Variants in MCF2L2 observed in about 807,000 individuals in gnomAD.
MCF2L2 encodes probable guanine nucleotide exchange factor MCF2L2.
In MCF2L2, 102 loss-of-function variants were observed where a neutral mutation model predicts 150.2. The observed-to-expected ratio is 0.68, with a 90% confidence interval of 0.58 to 0.80. The LOEUF is 0.80. MCF2L2 is among the 30% of genes least tolerant of loss of function. MCF2L2 has a pLI of 0.00. For synonymous variants in MCF2L2, 465 were observed against 491.3 expected (o/e 0.95, Z 0.71); for missense variants, 1,256 against 1,372.8 (o/e 0.91, Z 1.34).
intron 1 of MCF2L2, among the ~76,000 whole-genome samples, chr3:183,416,545 T>G (rs1463739794): frequency 6.6e-6 from 1 of 152,178 alleles, no homozygotes; most frequent in Non-Finnish European, 1.5e-5. Flanking sequence ...AAAATAACTG[T>G]AAGTCAAAAA....
chr3:183,192,965 T>C, intron 27 of MCF2L2, 34 bp downstream of exon 27: 1 of 1,546,394 alleles, frequency 6.5e-7, no homozygotes, highest in Non-Finnish European at 8.9e-7. Flanking sequence ...CCCCACTGCT[T>C]CTGTGCTCCA....
In MCF2L2 at chr3:183,411,889, C is replaced by G. The variant is rs138492004; in HGVS notation, c.76+16013G>C. On this transcript the variant is annotated intron_variant, in intron 1 of 29. Coordinates refer to ENST00000328913, the MANE Select transcript of MCF2L2 (RefSeq NM_015078.4). The stretch of plus-strand genomic sequence containing the variant: ...GAGAAAAACTTTGAGACCCAGTTTT[C>G]TGGTATCGCTTGCAAAGATGGTAGT... Among the ~76,000 whole-genome samples the G allele has an allele frequency of 1.6e-3, 242 of 152,258 alleles. 1 individual carries two copies. The highest frequency in any genetic ancestry group is 0.01 in the Middle Eastern group (3 of 294).
chr3:183,400,339 C>G (rs1714682694), intron 1 of MCF2L2: 2 of 449,422 alleles, frequency 4.5e-6, no homozygotes, highest in Non-Finnish European at 8.9e-6. Flanking sequence ...TGCATCCTTG[C>G]TTCCACACTA....
rs73886283 is a variant in MCF2L2 at position 183,218,191 on chromosome 3, G to C, written c.2370+1665C>G. On this transcript the variant is annotated intron_variant, in intron 21 of 29. Transcript: ENST00000328913. ...GCATCTTTGGATGAGAGACATGAGT[G>C]ACAGGGCTGATGAATGGAATAGATC... is the stretch of plus-strand genomic sequence containing the variant. 2.7e-3 allele frequency among the ~76,000 whole-genome samples: 418 copies of C among 152,310 alleles called. 2 individuals are homozygous for C. Among genetic ancestry groups the C allele is most frequent in the African/African-American group, 9.9e-3 (410 of 41,562 alleles).
At chr3:183,279,797 G>A (rs569278410) in intron 14 of MCF2L2, among the ~76,000 whole-genome samples, 9 of 152,342 alleles carry the variant, frequency 5.9e-5, no homozygotes, top group Middle Eastern at 3.4e-3. Flanking sequence ...TCGGGAGGCC[G>A]AGGCGAGTGG....
chr3:183,304,764 G>A (rs1577048032), intron 10 of MCF2L2, among the ~76,000 whole-genome samples: 1 of 151,648 alleles, frequency 6.6e-6, no homozygotes, highest in Admixed American at 6.6e-5. Flanking sequence ...GTGAGCCACC[G>A]CGCCTGGTCT....
Position 183,270,718 on chromosome 3 carries a change from G to T in MCF2L2, c.1862+6154C>A. 1.2e-6 allele frequency: 2 copies of T among 1,613,708 alleles called. No homozygotes were observed. The highest frequency in any genetic ancestry group is 1.7e-6 in the Non-Finnish European group (2 of 1,179,888). ...GACCATGTGTTTTTTTCTGGAGAGG[G>T]TAAAACTCCTTATCATCCCTGCATC... is the stretch of plus-strand genomic sequence containing the variant. On this transcript the variant is annotated intron_variant, in intron 15 of 29. Transcript: ENST00000328913. The surrounding 1 kb of genome is among the most constrained non-coding windows in gnomAD (Gnocchi z 4.5).
Position 183,235,713 on chromosome 3 carries a change from T to C in MCF2L2, c.1863-4696A>G, listed in dbSNP as rs1324377139. On this transcript the variant is annotated intron_variant, in intron 15 of 29. Coordinates refer to ENST00000328913, the MANE Select transcript of MCF2L2 (RefSeq NM_015078.4). ...AGCTCTTTAGTTTAATTAGATCCCATTTGTCAATTTTGTCTTTTGTTGCCA... is the reference window on the plus strand; with the variant it reads ...AGCTCTTTAGTTTAATTAGATCCCACTTGTCAATTTTGTCTTTTGTTGCCA... 3.0e-3 allele frequency among the ~76,000 whole-genome samples: 302 copies of C among 99,258 alleles called. 44 individuals are homozygous for C. The highest frequency in any genetic ancestry group is 4.3e-3 in the Non-Finnish European group (233 of 54,416). 65.1% of individuals were successfully genotyped at this position (99,258 alleles called of 152,430 possible).
intron 23 of MCF2L2, among the ~76,000 whole-genome samples, chr3:183,206,670 G>A (rs963751627): frequency 9.2e-5 from 14 of 152,082 alleles, no homozygotes; most frequent in African/African-American, 3.1e-4. Context: ...TCAGGAGTTC[G>A]AGACCAGCCT....
At chr3:183,395,289 A>ATACAATGT (rs755566003) in intron 1 of MCF2L2, among the ~76,000 whole-genome samples, 4 of 152,254 alleles carry the variant, frequency 2.6e-5, no homozygotes, top group Non-Finnish European at 5.9e-5. Flanking sequence ...AAGATTTAAG[A>ATACAATGT]TACAATGTCA....
intron 3 of MCF2L2, among the ~76,000 whole-genome samples, chr3:183,364,198 C>T (rs1398034604): frequency 1.3e-5 from 2 of 151,818 alleles, no homozygotes; most frequent in South Asian, 2.1e-4. Context: ...CAAACCAAAC[C>T]GAAGAACAGG....
chr3:183,181,631 A>G lies in MCF2L2; in HGVS notation c.3017-1472T>C, dbSNP rs1721525974. ...AGCAAGCAGTGAGAATGGAAGAATG[A>G]TTGTCTTGCTGAAAGTTCTGTGATG... On this transcript the variant is annotated intron_variant, in intron 27 of 29. Coordinates refer to ENST00000328913, the MANE Select transcript of MCF2L2 (RefSeq NM_015078.4). This position sits in a 1 kb window ranked among gnomAD's most constrained non-coding sequence, Gnocchi z 4.3. Among the ~76,000 whole-genome samples the G allele has an allele frequency of 1.3e-5, 2 of 152,212 alleles. No homozygotes were observed. The highest frequency in any genetic ancestry group is 4.1e-4 in the South Asian group (2 of 4,828).
chr3:183,264,826 G>A (rs1372347089), intron 15 of MCF2L2, among the ~76,000 whole-genome samples: 1 of 152,148 alleles, frequency 6.6e-6, no homozygotes, highest in Non-Finnish European at 1.5e-5. Context: ...GAGCTCTCTT[G>A]TGAAAGAATA....
chr3:183,299,943 T>C (rs1231042577), intron 11 of MCF2L2, 62 bp downstream of exon 11: 17 of 1,549,560 alleles, frequency 1.1e-5, no homozygotes, highest in Admixed American at 3.9e-5. Flanking sequence ...AGGACGAGTA[T>C]GATGGAAGCT....
chr3:183,297,390 C>T (rs1438643994), intron 11 of MCF2L2: 12 of 493,278 alleles, frequency 2.4e-5, no homozygotes, highest in Non-Finnish European at 4.4e-5. Flanking sequence ...AGGGAAGTCA[C>T]TCGGTCAGCA....
At chr3:183,379,494 G>A (rs191136223) in intron 2 of MCF2L2, 83 bp from the exon 3 acceptor site, 27 of 873,950 alleles carry the variant, frequency 3.1e-5, no homozygotes, top group African/African-American at 1.4e-4. Flanking sequence ...AAAGAATATC[G>A]GTCACCTCTT....
chr3:183,380,678 A>G (rs1447744272), intron 2 of MCF2L2, among the ~76,000 whole-genome samples: 1 of 152,240 alleles, frequency 6.6e-6, no homozygotes, highest in Non-Finnish European at 1.5e-5. Flanking sequence ...CTGGGATTAC[A>G]GGCATGAGCC....
At chr3:183,266,603 C>T (rs1726150626) in intron 15 of MCF2L2, among the ~76,000 whole-genome samples, 2 of 152,130 alleles carry the variant, frequency 1.3e-5, no homozygotes, top group African/African-American at 4.8e-5. Flanking sequence ...ACTGAGAGAG[C>T]AACTGAGAGA....
intron 1 of MCF2L2, among the ~76,000 whole-genome samples, chr3:183,420,529 T>C (rs1478179305): frequency 6.6e-6 from 1 of 151,674 alleles, no homozygotes; most frequent in Non-Finnish European, 1.5e-5. Context: ...ACCCCAGGAG[T>C]GGGAGGTTGC....
Sources: gnomAD v4.1 joint callset for allele counts (sites outside exome capture counted in the v4.1 genomes callset) on GRCh38, gnomAD v4.1.1 for gene constraint, Gnocchi (gnomAD v3.1) non-coding constraint, MANE v1.5 for transcripts, NCBI Gene and HGNC (gene_info 2026-07-23, HGNC 2026-07-21) for gene names.